HOXA2: variants seen among roughly 807,000 people sequenced by gnomAD.
HOXA2 encodes the protein homeobox protein Hox-A2.
A neutral mutation model predicts 27.2 loss-of-function variants in HOXA2; 4 were observed. The ratio of observed to expected loss-of-function variants is 0.15; its 90% confidence interval spans 0.07 to 0.34. The LOEUF is 0.34. Among genes scored for constraint, HOXA2 ranks in the 10% least tolerant of loss-of-function variants. The pLI is 1.00. For missense variants in HOXA2, 430 were observed against 473.2 expected (o/e 0.91, Z 0.85); for synonymous variants, 200 against 202.8 (o/e 0.99, Z 0.12).
In HOXA2 at chr7:27,101,089, G is replaced by A; in HGVS notation, c.768C>T (p.Leu256=). The A allele has an allele frequency of 6.2e-7, 1 of 1,614,238 alleles. No homozygotes were observed. Among genetic ancestry groups the A allele is most frequent in the Non-Finnish European group, 8.5e-7 (1 of 1,180,042 alleles). The change falls in exon 2 of 2, where the codon CTC becomes CTT. Residue 256 remains leucine (L), a synonymous_variant. Coordinates refer to ENST00000222718, the MANE Select transcript of HOXA2 (RefSeq NM_006735.4). ...GTCCATTGGGAGCCTGCTGCTGAGA[G>A]AGGGCATTTTGCTGAAAAGTGTAGC... ...REGYTFQQNA[L]SQQQAPNGHN... is the part of the protein sequence containing the mutation.
Position 27,100,777 on chromosome 7 carries a change from G to A in HOXA2, c.1080C>T (p.Asp360=). 1 of 1,614,220 alleles carries A rather than the reference G, an allele frequency of 6.2e-7. No individual in the cohort carries two copies. The highest frequency in any genetic ancestry group is 8.5e-7 in the Non-Finnish European group (1 of 1,180,042). ...TTGTGGTGAGTGTGTCTGTAAAAAA[G>A]TCTAAGCTGTCAGCTGAAATATCTA... ...SPVDISADSL[D]FFTDTLTTID... Residue 360 remains aspartate, a synonymous_variant, in exon 2 of 2, where the codon GAC becomes GAT. Transcript: ENST00000222718.
rs1783948459 is a variant in HOXA2 at position 27,102,563 on chromosome 7, C to T, written c.-63G>A. ...CTCTTTTGGAGGGGCTTTGGGGGGG[C>T]AAGGCCTAGGAAAAAGGCGAGCGCA... On this transcript the variant is annotated 5_prime_UTR_variant, in exon 1 of 2. Coordinates refer to ENST00000222718, the MANE Select transcript of HOXA2 (RefSeq NM_006735.4). This position sits in a 1 kb window ranked among gnomAD's most constrained non-coding sequence, Gnocchi z 4.6. 1.9e-6 allele frequency: 3 copies of T among 1,545,022 alleles called. No homozygotes were observed. In the African/African-American group the frequency reaches 4.1e-5, roughly 21 times the overall value.
At position 27,100,564 on chromosome 7, in the gene HOXA2, A is replaced by C. The variant is rs1362320192; in HGVS notation, c.*162T>G. ...AATCTGTAAAAGATGGCTCTGTTTG[A>C]AACTGGGTCAGGGAATCACTAAACA... On this transcript the variant is annotated 3_prime_UTR_variant, in exon 2 of 2. Transcript: ENST00000222718. The C allele has an allele frequency of 4.0e-6, 3 of 743,482 alleles. No individual in the cohort carries two copies. The highest frequency in any genetic ancestry group is 6.7e-6 in the Non-Finnish European group (3 of 450,320). The allele number at this position is 743,482 out of a possible 1,614,324, so 46.1% of individuals were successfully genotyped here.
rs781343234 is a variant in HOXA2, at chr7:27,100,947, T to C, written c.910A>G (p.Asn304Asp). Residue 304 changes from asparagine to aspartate, a missense_variant, in exon 2 of 2, where the codon AAC becomes GAC. Around this residue, in one of 4 missense-constraint regions of HOXA2, gnomAD observed 236 missense variants for 208.5 expected, o/e 1.13. Transcript: ENST00000222718. ...VPNCLSTMGQ[N>D]CGAGLNNDSP... Reference sequence around the variant, plus strand: ...TCATTGTTTAGGCCAGCTCCACAGTTCTGGCCCATTGTTGACAAGCAGTTG... The same window carrying C: ...TCATTGTTTAGGCCAGCTCCACAGTCCTGGCCCATTGTTGACAAGCAGTTG... 1.9e-6 allele frequency: 3 copies of C among 1,614,206 alleles called. No homozygotes were observed. Among genetic ancestry groups the C allele is most frequent in the East Asian group, 2.2e-5 (1 of 44,884 alleles).
intron 1 of HOXA2, chr7:27,101,705 C>A: frequency 1.5e-6 from 1 of 657,218 alleles, no homozygotes; most frequent in South Asian, 1.7e-5. Flanking sequence ...CATCCGGGAG[C>A]AAACTTTATA....
In HOXA2 at chr7:27,102,582, G is replaced by T; in HGVS notation, c.-82C>A. ...GGGGGGCAAGGCCTAGGAAAAAGGC[G>T]AGCGCAGAGGAAAAAAAATCTATCA... On this transcript the variant is annotated 5_prime_UTR_variant, in exon 1 of 2. Transcript: ENST00000222718. The surrounding 1 kb of genome is among the most constrained non-coding windows in gnomAD (Gnocchi z 4.6). 7.3e-7 allele frequency: 1 copy of T among 1,363,150 alleles called. No individual in the cohort carries two copies. The highest frequency in any genetic ancestry group is 1.0e-6 in the Non-Finnish European group (1 of 968,298). The allele number at this position is 1,363,150 out of a possible 1,614,324, so 84.4% of individuals were successfully genotyped here.
rs774856311 is a variant in HOXA2 at position 27,101,087 on chromosome 7, G to A, written c.770C>T (p.Ser257Phe). The stretch of plus-strand genomic sequence containing the variant: ...GTGTCCATTGGGAGCCTGCTGCTGA[G>A]AGAGGGCATTTTGCTGAAAAGTGTA... Reference protein sequence around the residue: ...EGYTFQQNALSQQQAPNGHNG... With the variant: ...EGYTFQQNALFQQQAPNGHNG... Residue 257 changes from serine to phenylalanine, a missense_variant, in exon 2 of 2, where the codon TCT (serine) becomes TTT (phenylalanine). Around this residue, in one of 4 missense-constraint regions of HOXA2, gnomAD observed 236 missense variants for 208.5 expected, o/e 1.13. Coordinates refer to ENST00000222718, the MANE Select transcript of HOXA2 (RefSeq NM_006735.4). 1 of 1,614,230 alleles carries A rather than the reference G, an allele frequency of 6.2e-7. No individual in the cohort carries two copies. The highest frequency in any genetic ancestry group is 1.1e-5 in the South Asian group (1 of 91,082).
At position 27,102,019 on chromosome 7, in the gene HOXA2, G is replaced by C. The variant is rs1583408343; in HGVS notation, c.391+91C>G. 6.5e-7 allele frequency: 1 copy of C among 1,543,676 alleles called. No individual in the cohort carries two copies. ...CTCTCCCTCTCCTCCTTCTCTCCCA[G>C]CCCACTCTCCCCTCCCCCCACAGCC... On this transcript the variant is annotated intron_variant, in intron 1 of 1. Coordinates refer to ENST00000222718, the MANE Select transcript of HOXA2 (RefSeq NM_006735.4). The surrounding 1 kb of genome is among the most constrained non-coding windows in gnomAD (Gnocchi z 4.6).
chr7:27,100,670 A>G lies in HOXA2; in HGVS notation c.*56T>C. 6.2e-7 allele frequency: 1 copy of G among 1,601,760 alleles called. No homozygotes were observed. The highest frequency in any genetic ancestry group is 2.2e-5 in the East Asian group (1 of 44,834). On this transcript the variant is annotated 3_prime_UTR_variant, in exon 2 of 2. Coordinates refer to ENST00000222718, the MANE Select transcript of HOXA2 (RefSeq NM_006735.4). ...TAAACTCCCAAATAAAAGAAGGCAA[A>G]ACCACCTGGTCAAAGGAGTTTTTGT...
chr7:27,102,393 T>G lies in HOXA2; in HGVS notation c.108A>C (p.Ser36=), dbSNP rs1783945019. ...PPVADTFQSS[S]IKTSTLSHST... is the part of the protein sequence containing the mutation. ...AGTGTGAAAGCGTCGAGGTCTTGAT[T>G]GATGAACTTTGAAATGTATCAGCGA... is the stretch of plus-strand genomic sequence containing the variant. The change falls in exon 1 of 2, where the codon TCA becomes TCC. Residue 36 remains serine, a synonymous_variant. Transcript: ENST00000222718. This position sits in a 1 kb window ranked among gnomAD's most constrained non-coding sequence, Gnocchi z 4.6. 1 of 1,613,984 alleles carries G rather than the reference T, an allele frequency of 6.2e-7. No individual in the cohort carries two copies. The highest frequency in any genetic ancestry group is 1.7e-5 in the Admixed American group (1 of 59,990).
rs746354329 is a variant in HOXA2, at chr7:27,102,060, C to T, written c.391+50G>A. Reference sequence around the variant, plus strand: ...CCCCACAGCCACTCTCGGGGCAGCCCGGAGAAGGAAGAGGGTCCCAGAGAC... The same window carrying T: ...CCCCACAGCCACTCTCGGGGCAGCCTGGAGAAGGAAGAGGGTCCCAGAGAC... On this transcript the variant is annotated intron_variant, in intron 1 of 1. Transcript: ENST00000222718. The surrounding 1 kb of genome is among the most constrained non-coding windows in gnomAD (Gnocchi z 4.6). The T allele has an allele frequency of 2.5e-6, 4 of 1,601,462 alleles. No individual in the cohort carries two copies. In the Admixed American group the frequency reaches 6.8e-5, roughly 27 times the overall value.
At position 27,100,969 on chromosome 7, in the gene HOXA2, G is replaced by A. The variant is rs768709908; in HGVS notation, c.888C>T (p.Asn296=). The change falls in exon 2 of 2, where the codon AAC becomes AAT. Residue 296 remains asparagine, a synonymous_variant. Coordinates refer to ENST00000222718, the MANE Select transcript of HOXA2 (RefSeq NM_006735.4). ...AGTTCTGGCCCATTGTTGACAAGCA[G>A]TTGGGAACAGTGGGTGACTGGTGCT... ...HFQHQSPTVP[N]CLSTMGQNCG... 1 of 1,614,246 alleles carries A rather than the reference G, an allele frequency of 6.2e-7. No homozygotes were observed. Among genetic ancestry groups the A allele is most frequent in the Non-Finnish European group, 8.5e-7 (1 of 1,180,046 alleles).
rs778857731 is a variant in HOXA2 at position 27,102,317 on chromosome 7, C to A, written c.184G>T (p.Gly62Cys). Reference protein sequence around the residue: ...FEQTIPSLNPGSHPRHGAGGR... With the variant: ...FEQTIPSLNPCSHPRHGAGGR... ...CCAGCGCCGTGGCGAGGGTGACTGCCGGGGTTCAGGCTGGGAATGGTCTGC... is the reference window on the plus strand; with the variant it reads ...CCAGCGCCGTGGCGAGGGTGACTGCAGGGGTTCAGGCTGGGAATGGTCTGC... The change falls in exon 1 of 2, where the codon GGC (glycine) becomes TGC (cysteine). Residue 62 changes from glycine (G) to cysteine (C), a missense_variant. By Grantham distance (159) the Gly-to-Cys change is radical. Coordinates refer to ENST00000222718, the MANE Select transcript of HOXA2 (RefSeq NM_006735.4). The surrounding 1 kb of genome is among the most constrained non-coding windows in gnomAD (Gnocchi z 4.6). 1.9e-6 allele frequency: 3 copies of A among 1,609,602 alleles called. No homozygotes were observed.
At position 27,102,074 on chromosome 7, in the gene HOXA2, G is replaced by T; in HGVS notation, c.391+36C>A. ...TCGGGGCAGCCCGGAGAAGGAAGAGGGTCCCAGAGACCTGGGGCCAAGTCT... is the reference window on the plus strand; with the variant it reads ...TCGGGGCAGCCCGGAGAAGGAAGAGTGTCCCAGAGACCTGGGGCCAAGTCT... On this transcript the variant is annotated intron_variant, in intron 1 of 1. Transcript: ENST00000222718. This position sits in a 1 kb window ranked among gnomAD's most constrained non-coding sequence, Gnocchi z 4.6. 6.2e-7 allele frequency: 1 copy of T among 1,604,524 alleles called. No homozygotes were observed. The highest frequency in any genetic ancestry group is 1.3e-5 in the African/African-American group (1 of 74,918).
chr7:27,101,518 T>G (rs1783926109), intron 1 of HOXA2, 53 bp from the exon 2 acceptor site: 1 of 1,589,144 alleles, frequency 6.3e-7, no homozygotes, highest in East Asian at 2.2e-5. Context: ...GGTGGAGGGG[T>G]CCGAGCGGGG....
rs753086181 is a variant in HOXA2, at chr7:27,100,910, G to A, written c.947C>T (p.Ala316Val). The change falls in exon 2 of 2, where the codon GCC (alanine) becomes GTC (valine). Residue 316 changes from alanine to valine, a missense_variant. Ala to Val is a moderately conservative substitution (Grantham distance 64). This residue lies in a region of HOXA2 where 236 missense variants were observed against 208.5 expected (regional missense o/e 1.13). Coordinates refer to ENST00000222718, the MANE Select transcript of HOXA2 (RefSeq NM_006735.4). Reference protein sequence around the residue: ...GAGLNNDSPEALEVPSLQDFS... With the variant: ...GAGLNNDSPEVLEVPSLQDFS... Reference sequence around the variant, plus strand: ...GTCCTGCAAAGAGGGGACCTCAAGGGCCTCAGGACTGTCATTGTTTAGGCC... The same window carrying A: ...GTCCTGCAAAGAGGGGACCTCAAGGACCTCAGGACTGTCATTGTTTAGGCC... 2.5e-6 allele frequency: 4 copies of A among 1,614,090 alleles called. No individual in the cohort carries two copies. The South Asian group carries it at 3.3e-5, about 13-fold the overall frequency.
At position 27,102,567 on chromosome 7, in the gene HOXA2, G is replaced by A. The variant is rs1462896267; in HGVS notation, c.-67C>T. 3 of 1,538,658 alleles carry A rather than the reference G, an allele frequency of 1.9e-6. No individual in the cohort carries two copies. Among genetic ancestry groups the A allele is most frequent in the East Asian group, 2.2e-5 (1 of 44,506 alleles). ...TTTGGAGGGGCTTTGGGGGGGCAAG[G>A]CCTAGGAAAAAGGCGAGCGCAGAGG... On this transcript the variant is annotated 5_prime_UTR_variant, in exon 1 of 2. Transcript: ENST00000222718. The surrounding 1 kb of genome is among the most constrained non-coding windows in gnomAD (Gnocchi z 4.6).
chr7:27,102,416 C>G lies in HOXA2; in HGVS notation c.85G>C (p.Ala29Pro). Residue 29 changes from alanine (A) to proline (P), a missense_variant, in exon 1 of 2, where the codon GCT (alanine) becomes CCT (proline). By Grantham distance (27) the Ala-to-Pro change is conservative (BLOSUM62 -1). Transcript: ENST00000222718. The surrounding 1 kb of genome is among the most constrained non-coding windows in gnomAD (Gnocchi z 4.6). Reference protein sequence around the residue: ...AECLTSFPPVADTFQSSSIKT... With the variant: ...AECLTSFPPVPDTFQSSSIKT... ...ATTGATGAACTTTGAAATGTATCAG[C>G]GACAGGGGGAAAAGATGTCAGGCAC... 1 of 1,614,046 alleles carries G rather than the reference C, an allele frequency of 6.2e-7. No homozygotes were observed. Among genetic ancestry groups the G allele is most frequent in the Non-Finnish European group, 8.5e-7 (1 of 1,179,974 alleles).
chr7:27,102,341 G>C lies in HOXA2; in HGVS notation c.160C>G (p.Gln54Glu). The C allele has an allele frequency of 6.2e-7, 1 of 1,614,014 alleles. No individual in the cohort carries two copies. Among genetic ancestry groups the C allele is most frequent in the Non-Finnish European group, 8.5e-7 (1 of 1,179,936 alleles). Residue 54 changes from glutamine to glutamate, a missense_variant, in exon 1 of 2, where the codon CAG becomes GAG. Around this residue, in one of 4 missense-constraint regions of HOXA2, gnomAD observed 166 missense variants for 207.6 expected, o/e 0.80. Coordinates refer to ENST00000222718, the MANE Select transcript of HOXA2 (RefSeq NM_006735.4). This position sits in a 1 kb window ranked among gnomAD's most constrained non-coding sequence, Gnocchi z 4.6. The part of the protein sequence containing the change: ...HSTLIPPPFE[Q>E]TIPSLNPGSH... ...CCGGGGTTCAGGCTGGGAATGGTCTGCTCAAAAGGAGGAGGAATCAGTGTC... is the reference window on the plus strand; with the variant it reads ...CCGGGGTTCAGGCTGGGAATGGTCTCCTCAAAAGGAGGAGGAATCAGTGTC...
Sources: gnomAD v4.1 joint callset for allele counts on GRCh38, gnomAD v4.1.1 for gene constraint, gnomAD v4.1.1 regional missense constraint, Gnocchi (gnomAD v3.1) non-coding constraint, MANE v1.5 for transcripts, NCBI Gene and HGNC (gene_info 2026-07-23, HGNC 2026-07-21) for gene names.